Variants in FRMD4A observed in about 807,000 individuals in gnomAD.
FRMD4A encodes FERM domain-containing protein 4A.
Under a neutral mutation model 129.1 loss-of-function variants are expected in FRMD4A, and 29 were observed. The observed-to-expected ratio is 0.22, with a 90% CI of 0.17 to 0.31. FRMD4A has a LOEUF of 0.31. Among genes scored for constraint, FRMD4A ranks in the 10% least tolerant of loss-of-function variants. The pLI, the probability that FRMD4A is intolerant of heterozygous loss-of-function variation, is 1.00. For synonymous variants in FRMD4A, 634 were observed against 571.6 expected, an observed-to-expected ratio of 1.11 and a Z score of -1.56; for missense variants, 1,272 against 1,375.8, an observed-to-expected ratio of 0.92 and a Z score of 1.19.
intron 2 of FRMD4A, among the ~76,000 whole-genome samples, chr10:14,171,585 C>T (rs1841479653): frequency 6.6e-6 from 1 of 152,214 alleles, no homozygotes; most frequent in African/African-American, 2.4e-5. Flanking sequence ...CTGTGTTTCT[C>T]ACCCTGTTTT....
chr10:14,103,852 T>C (rs998152890), intron 2 of FRMD4A, among the ~76,000 whole-genome samples: 1 of 152,190 alleles, frequency 6.6e-6, no homozygotes, highest in Non-Finnish European at 1.5e-5. Context: ...ATGAGTAGAA[T>C]TTTTTAAACT....
At chr10:13,785,829 T>A (rs2092844031) in intron 5 of FRMD4A, among the ~76,000 whole-genome samples, 1 of 151,022 alleles carries the variant, frequency 6.6e-6, no homozygotes, top group South Asian at 2.1e-4. Context: ...TGTCCAAGTG[T>A]TCTCAGTGTT....
chr10:13,832,831 G>A (rs994573589), intron 3 of FRMD4A, among the ~76,000 whole-genome samples: 3 of 151,966 alleles, frequency 2.0e-5, no homozygotes, highest in African/African-American at 7.3e-5. Context: ...ATAGAGACAG[G>A]GTCTTGCTAT....
At chr10:13,798,600 C>T (rs376149716) in intron 4 of FRMD4A, among the ~76,000 whole-genome samples, 1 of 152,088 alleles carries the variant, frequency 6.6e-6, no homozygotes, top group Non-Finnish European at 1.5e-5. Context: ...GCCTGTAGTC[C>T]CAGCTACTCA....
chr10:14,058,109 G>C lies in FRMD4A; in HGVS notation c.46-199197C>G, dbSNP rs569523786. Among the ~76,000 whole-genome samples the C allele has an allele frequency of 2.6e-5, 4 of 152,318 alleles. No individual in the cohort carries two copies. The East Asian group carries it at 7.7e-4, about 29-fold the overall frequency. On this transcript the variant is annotated intron_variant, in intron 2 of 24. Coordinates refer to ENST00000357447, the MANE Select transcript of FRMD4A (RefSeq NM_018027.5). ...TGTTTTCTGGTTCCTCCAATGAGTA[G>C]AACTGGAGAGAAATGATTAGGAAAG...
At chr10:13,678,893 T>C (rs2084236236) in intron 15 of FRMD4A, among the ~76,000 whole-genome samples, 1 of 152,216 alleles carries the variant, frequency 6.6e-6, no homozygotes, top group Admixed American at 6.5e-5. Flanking sequence ...ACATTGATCA[T>C]TTCTTTGGGT....
intron 2 of FRMD4A, among the ~76,000 whole-genome samples, chr10:14,220,811 TTTGTGTGTG>T (rs1843230595): frequency 9.8e-5 from 11 of 112,616 alleles, no homozygotes; most frequent in Non-Finnish European, 1.3e-4. Context: ...TGTGTGTGTG[TTTGTGTGTG>T]TGTGTGTGTG....
At position 14,117,565 on chromosome 10, in the gene FRMD4A, T is replaced by C. The variant is rs141552411; in HGVS notation, c.45+212493A>G. The stretch of plus-strand genomic sequence containing the variant: ...TCAGGGTTCCCAAAGCATCAGACAA[T>C]GAGAAGAGAAAGGAGGCCCCAACCA... On this transcript the variant is annotated intron_variant, in intron 2 of 24. Transcript: ENST00000357447. Among the ~76,000 whole-genome samples, 650 of 151,988 alleles carry C rather than the reference T, an allele frequency of 4.3e-3. 6 individuals carry two copies. The highest frequency in any genetic ancestry group is 0.037 in the East Asian group (190 of 5,174).
intron 4 of FRMD4A, among the ~76,000 whole-genome samples, chr10:13,805,143 T>A (rs1320055399): frequency 6.6e-6 from 1 of 152,104 alleles, no homozygotes; most frequent in Admixed American, 6.6e-5. Context: ...TTTCTTTTCT[T>A]TCTTTTTTTT....
intron 2 of FRMD4A, among the ~76,000 whole-genome samples, chr10:14,073,006 A>G (rs1835386545): frequency 6.6e-6 from 1 of 151,896 alleles, no homozygotes; most frequent in South Asian, 2.1e-4. Context: ...AAAGAGAGAA[A>G]GAGCCAAAAA....
chr10:13,844,168 TGA>T lies in FRMD4A; in HGVS notation c.111+14677_111+14678del, dbSNP rs1179727102. Among the ~76,000 whole-genome samples, 17 of 152,078 alleles carry T rather than the reference TGA, an allele frequency of 1.1e-4. 1 individual carries two copies. The highest frequency in any genetic ancestry group is 4.1e-4 in the African/African-American group (17 of 41,382). Reference sequence around the variant, plus strand: ...ATGTGTGTACATGAGTATATGTATGTGAGTGTGTGTGTGTGAATATGTGTGTG... The same window carrying T: ...ATGTGTGTACATGAGTATATGTATGTGTGTGTGTGTGTGAATATGTGTGTG... On this transcript the variant is annotated intron_variant, in intron 3 of 24. Coordinates refer to ENST00000357447, the MANE Select transcript of FRMD4A (RefSeq NM_018027.5).
chr10:14,058,069 A>C (rs10906589), intron 2 of FRMD4A, among the ~76,000 whole-genome samples: 1 of 152,008 alleles, frequency 6.6e-6, no homozygotes, highest in East Asian at 1.9e-4. Flanking sequence ...CCAGGGACAC[A>C]GGCATAGATG....
At chr10:14,249,025 C>G (rs1387565466) in intron 2 of FRMD4A, among the ~76,000 whole-genome samples, 1 of 152,062 alleles carries the variant, frequency 6.6e-6, no homozygotes, top group African/African-American at 2.4e-5. Flanking sequence ...ACTTTAAGTC[C>G]CTTTTACAGA....
At chr10:13,919,958 AACAC>A (rs2095053405) in intron 2 of FRMD4A, among the ~76,000 whole-genome samples, 1 of 152,000 alleles carries the variant, frequency 6.6e-6, no homozygotes, top group Non-Finnish European at 1.5e-5. Flanking sequence ...CAAACAAACA[AACAC>A]ACAAACAAAC....
intron 2 of FRMD4A, among the ~76,000 whole-genome samples, chr10:13,903,454 C>T (rs1481516061): frequency 6.6e-6 from 1 of 152,180 alleles, no homozygotes; most frequent in African/African-American, 2.4e-5. Flanking sequence ...TGAGGCCGTG[C>T]ATGGTGGCTT....
At chr10:13,667,482 G>A (rs1353854813) in intron 17 of FRMD4A, 4 of 152,278 alleles carry the variant, frequency 2.6e-5, no homozygotes, top group Non-Finnish European at 5.9e-5. Flanking sequence ...GAATGAAGCT[G>A]TGGCTGTCAA....
chr10:13,737,901 G>T lies in FRMD4A; in HGVS notation c.702C>A (p.Gly234=). Residue 234 remains glycine (G), a synonymous_variant, in exon 12 of 25, where the codon GGC becomes GGA. Transcript: ENST00000357447. ...KDKQGIPWWL[G]LSYKGIFQYD... is the part of the protein sequence containing the mutation. ...ACTGGAAGATCCCTTTGTAGCTCAG[G>T]CCCAGCCACCATGGTATGCCCTGCT... 1 of 1,606,254 alleles carries T rather than the reference G, an allele frequency of 6.2e-7. No individual in the cohort carries two copies. The highest frequency in any genetic ancestry group is 8.5e-7 in the Non-Finnish European group (1 of 1,173,116).
intron 13 of FRMD4A, among the ~76,000 whole-genome samples, chr10:13,703,314 C>T (rs1194321998): frequency 6.6e-6 from 1 of 152,146 alleles, no homozygotes; most frequent in South Asian, 2.1e-4. Context: ...TCGCTTCAAG[C>T]CCTTCCTATT....
At chr10:13,705,374 G>A (rs554089913) in intron 13 of FRMD4A, among the ~76,000 whole-genome samples, 1 of 152,150 alleles carries the variant, frequency 6.6e-6, no homozygotes, top group South Asian at 2.1e-4. Context: ...AGATATATGC[G>A]TGCGTGGTTA....
Sources: allele counts gnomAD v4.1 joint callset (sites outside exome capture counted in the v4.1 genomes callset), GRCh38; gene constraint gnomAD v4.1.1; transcripts MANE v1.5; gene names NCBI Gene and HGNC (gene_info 2026-07-23, HGNC 2026-07-21).